Variants in ALKBH1 observed in about 807,000 individuals in gnomAD.
The protein encoded by ALKBH1 is alkB homolog 1, histone H2A dioxygenase.
ALKBH1 carries 31 observed loss-of-function variants against 36.6 expected under a neutral mutation model. That is an observed-to-expected ratio of 0.85 (90% CI 0.64 to 1.14). The LOEUF (loss-of-function observed/expected upper bound fraction) is 1.14. Among genes scored for constraint, ALKBH1 ranks in the 50% most tolerant of loss-of-function variants. The pLI is 0.00. For synonymous variants in ALKBH1, 183 were observed against 186.6 expected, an observed-to-expected ratio of 0.98 and a Z score of 0.16; for missense variants, 490 against 497.3, an observed-to-expected ratio of 0.99 and a Z score of 0.14.
rs2080184057 is a variant in ALKBH1, at chr14:77,672,936, G to A, written c.*876C>T. The A allele has an allele frequency of 6.6e-6, 1 of 152,130 alleles. No individual in the cohort carries two copies. Among genetic ancestry groups the A allele is most frequent in the Non-Finnish European group, 1.5e-5 (1 of 68,038 alleles). 9.4% of individuals were successfully genotyped at this position (152,130 alleles called of 1,614,324 possible). Reference sequence around the variant, plus strand: ...ACTTAGGGCACAGCAGAATGGTGTAGGGCAGAAACAGCTAGAGGGCTTCAA... The same window carrying A: ...ACTTAGGGCACAGCAGAATGGTGTAAGGCAGAAACAGCTAGAGGGCTTCAA... On this transcript the variant is annotated 3_prime_UTR_variant, in exon 6 of 6. Coordinates refer to ENST00000216489, the MANE Select transcript of ALKBH1 (RefSeq NM_006020.3).
chr14:77,675,270 TA>T (rs199714479), intron 5 of ALKBH1, among the ~76,000 whole-genome samples: 352 of 140,540 alleles, frequency 2.5e-3, no homozygotes, highest in Middle Eastern at 7.2e-3. Context: ...CCATCTCTAC[TA>T]AAAAAAAAAA....
intron 4 of ALKBH1, among the ~76,000 whole-genome samples, chr14:77,677,512 G>A (rs1566811182): frequency 6.6e-6 from 1 of 152,088 alleles, no homozygotes; most frequent in Non-Finnish European, 1.5e-5. Flanking sequence ...TTCTTTCTTT[G>A]CTAAATTAAC....
At chr14:77,690,150 G>C (rs2080289552) in intron 3 of ALKBH1, among the ~76,000 whole-genome samples, 1 of 152,086 alleles carries the variant, frequency 6.6e-6, no homozygotes, top group African/African-American at 2.4e-5. Flanking sequence ...TAAGGGAAGA[G>C]CTTCCTAGGT....
chr14:77,674,022 C>T lies in ALKBH1; in HGVS notation c.960G>A (p.Glu320=), dbSNP rs1053406316. Residue 320 remains glutamate, a synonymous_variant, in exon 6 of 6, where the codon GAG becomes GAA. Transcript: ENST00000216489. ...CCTGCCAGTCCTCCATAGAACAAGG[C>T]TCTACCATTGAATCTCTCGGGAGGA... The part of the protein sequence containing the change: ...PAVLPRDSMV[E]PCSMEDWQVC... 3 of 1,614,078 alleles carry T rather than the reference C, an allele frequency of 1.9e-6. No homozygotes were observed. The highest frequency in any genetic ancestry group is 1.7e-6 in the Non-Finnish European group (2 of 1,180,040).
At chr14:77,682,235 T>C (rs1444722794) in intron 3 of ALKBH1, among the ~76,000 whole-genome samples, 1 of 152,204 alleles carries the variant, frequency 6.6e-6, no homozygotes, top group Non-Finnish European at 1.5e-5. Context: ...AAATGTAATG[T>C]AGTTATTAAC....
Position 77,674,229 on chromosome 14 carries a change from G to A in ALKBH1, c.753C>T (p.Ser251=), listed in dbSNP as rs375633780. The change falls in exon 6 of 6, where the codon TCC becomes TCT. Residue 251 remains serine (S), a synonymous_variant. Transcript: ENST00000216489. ...KPLLSFSFGQ[S]AIFLLGGLQR... ...GAAGACCACCCAGGAGAAAGATGGC[G>A]GACTGTCCAAAGCTACAAAAAATAA... is the stretch of plus-strand genomic sequence containing the variant. The A allele has an allele frequency of 1.4e-4, 229 of 1,599,780 alleles. 2 individuals carry two copies. The South Asian group carries it at 1.8e-3, about 13-fold the overall frequency.
chr14:77,701,242 T>C (rs559923902), intron 2 of ALKBH1, among the ~76,000 whole-genome samples: 177 of 152,330 alleles, frequency 1.2e-3, no homozygotes, highest in African/African-American at 3.9e-3. Flanking sequence ...GCTTGATAAA[T>C]GCACTGATCT....
At chr14:77,696,834 T>C (rs2080330013) in intron 2 of ALKBH1, 1 of 152,588 alleles carries the variant, frequency 6.6e-6, no homozygotes, top group African/African-American at 2.4e-5. Context: ...CAAATGGAAG[T>C]AGATGCAGAT....
At chr14:77,694,990 TG>T (rs2080319419) in intron 2 of ALKBH1, 90 bp from the exon 3 acceptor site, 1 of 1,119,574 alleles carries the variant, frequency 8.9e-7, no homozygotes, top group East Asian at 3.0e-5. Flanking sequence ...CTCACTATTT[TG>T]TTATTTACTC....
chr14:77,707,814 C>T lies in ALKBH1; in HGVS notation c.183+8G>A, dbSNP rs745759036. 18 of 1,599,688 alleles carry T rather than the reference C, an allele frequency of 1.1e-5. No homozygotes were observed. ...ATGGAGAGACGCGCGCCACTCCTCT[C>T]TCTGTACCTTTTGGGCACCAGGACC... On this transcript the variant is annotated splice_region_variant and intron_variant, in intron 1 of 5. Coordinates refer to ENST00000216489, the MANE Select transcript of ALKBH1 (RefSeq NM_006020.3).
chr14:77,699,100 T>C (rs748786168), intron 2 of ALKBH1, among the ~76,000 whole-genome samples: 1 of 152,220 alleles, frequency 6.6e-6, no homozygotes, highest in Non-Finnish European at 1.5e-5. Context: ...CACTCAATTC[T>C]GTCACTGTAG....
At chr14:77,681,653 A>G (rs2080238786) in intron 3 of ALKBH1, among the ~76,000 whole-genome samples, 2 of 152,186 alleles carry the variant, frequency 1.3e-5, no homozygotes, top group South Asian at 4.1e-4. Context: ...TCTGCTTACA[A>G]AGATGGTCCT....
chr14:77,694,934 G>C, intron 2 of ALKBH1, 34 bp from the exon 3 acceptor site: 1 of 1,440,690 alleles, frequency 6.9e-7, no homozygotes, highest in Non-Finnish European at 9.2e-7. Flanking sequence ...AAAAGAAGAG[G>C]GGGAAATTCT....
At chr14:77,704,272 T>C (rs1361669092) in intron 2 of ALKBH1, 97 bp downstream of exon 2, 5 of 865,668 alleles carry the variant, frequency 5.8e-6, no homozygotes, top group Non-Finnish European at 9.7e-6. Flanking sequence ...TGTGTATCCT[T>C]TGTCTATTTA....
Position 77,673,693 on chromosome 14 carries a change from GAGTTC to G in ALKBH1, c.*114_*118del. The G allele has an allele frequency of 2.9e-6, 3 of 1,050,842 alleles. No homozygotes were observed. Among genetic ancestry groups the G allele is most frequent in the Non-Finnish European group, 4.2e-6 (3 of 717,916 alleles). 65.1% of individuals were successfully genotyped at this position (1,050,842 alleles called of 1,614,324 possible). A position where few individuals can be genotyped will look rare whatever the true frequency, so the allele number is the denominator to read the frequency against. On this transcript the variant is annotated 3_prime_UTR_variant, in exon 6 of 6. Coordinates refer to ENST00000216489, the MANE Select transcript of ALKBH1 (RefSeq NM_006020.3). ...CCAAGGCAACAGTGTGATCAACAAT[GAGTTC>G]TTCCCTGTCTCTGTTTTTGGCTTGT...
intron 3 of ALKBH1, among the ~76,000 whole-genome samples, chr14:77,684,406 A>G (rs942489001): frequency 2.6e-5 from 4 of 152,012 alleles, no homozygotes; most frequent in African/African-American, 9.6e-5. Context: ...TTGTTGCCCA[A>G]GCTGGAGTGC....
chr14:77,682,081 C>T (rs1298190417), intron 3 of ALKBH1, among the ~76,000 whole-genome samples: 1 of 152,070 alleles, frequency 6.6e-6, no homozygotes, highest in Non-Finnish European at 1.5e-5. Context: ...TTTGGGGACT[C>T]CCTGACACAA....
chr14:77,694,438 G>T (rs1296360330), intron 3 of ALKBH1, among the ~76,000 whole-genome samples: 1 of 152,046 alleles, frequency 6.6e-6, no homozygotes, highest in Non-Finnish European at 1.5e-5. Flanking sequence ...ACTTTAAGTA[G>T]AAAAAAATGG....
chr14:77,697,610 G>A (rs538270574), intron 2 of ALKBH1, among the ~76,000 whole-genome samples: 1 of 149,950 alleles, frequency 6.7e-6, no homozygotes, highest in East Asian at 2.0e-4. Context: ...TTATTTATAC[G>A]TTAATAGGTT....
Sources: allele counts gnomAD v4.1 joint callset (sites outside exome capture counted in the v4.1 genomes callset), GRCh38; gene constraint gnomAD v4.1.1; transcripts MANE v1.5; gene names NCBI Gene and HGNC (gene_info 2026-07-23, HGNC 2026-07-21).